Variants in RPS6KA2 observed in about 807,000 individuals in gnomAD.
The protein encoded by RPS6KA2 is ribosomal protein S6 kinase alpha-2.
Under a neutral mutation model 91.8 loss-of-function variants are expected in RPS6KA2, and 42 were observed. The observed-to-expected ratio is 0.46, with a 90% CI of 0.36 to 0.59. RPS6KA2 has a LOEUF of 0.59. RPS6KA2 is among the 20% of genes least tolerant of loss of function. The pLI, the probability that RPS6KA2 is intolerant of heterozygous loss-of-function variation, is 0.00. For synonymous variants in RPS6KA2, 414 were observed against 393.6 expected (o/e 1.05, Z -0.61); for missense variants, 798 against 978.5 (o/e 0.82, Z 2.46).
At chr6:166,817,889 G>A (rs1309662469) in intron 2 of RPS6KA2, among the ~76,000 whole-genome samples, 3 of 151,382 alleles carry the variant, frequency 2.0e-5, no homozygotes, top group Non-Finnish European at 4.4e-5. Flanking sequence ...CACCCAGCTA[G>A]TTTTTTGTAT....
intron 1 of RPS6KA2, among the ~76,000 whole-genome samples, chr6:166,608,968 T>C (rs1209647338): frequency 6.6e-6 from 1 of 152,210 alleles, no homozygotes; most frequent in Admixed American, 6.5e-5. Context: ...TGAAGGGCAC[T>C]TTCCGGAACA....
At chr6:166,420,598 G>A (rs550708143) in intron 17 of RPS6KA2, among the ~76,000 whole-genome samples, 39 of 152,250 alleles carry the variant, frequency 2.6e-4, no homozygotes, top group African/African-American at 8.7e-4. Context: ...ACAATGTTCC[G>A]CTGTGTGTGC....
chr6:166,655,730 G>A (rs1362209686), intron 2 of RPS6KA2, among the ~76,000 whole-genome samples: 1 of 152,168 alleles, frequency 6.6e-6, no homozygotes, highest in Non-Finnish European at 1.5e-5. Context: ...TAAAAGGTTG[G>A]AAACACATGA....
Position 166,451,092 on chromosome 6 carries a change from AAC to A in RPS6KA2, c.1206+9_1206+10del, listed in dbSNP as rs752170488. On this transcript the variant is annotated intron_variant, in intron 13 of 20. Coordinates refer to ENST00000265678, the MANE Select transcript of RPS6KA2 (RefSeq NM_021135.6). ...TCTTACCCCCAACCCACTGCAGGCA[AAC>A]ACAGTTACCTGCACGATTGGGTGAA... 33 of 1,613,724 alleles carry A rather than the reference AAC, an allele frequency of 2.0e-5. No individual in the cohort carries two copies. Among genetic ancestry groups the A allele is most frequent in the Admixed American group, 8.3e-5 (5 of 59,986 alleles).
At chr6:166,531,977 T>TA (rs59192350) in intron 2 of RPS6KA2, among the ~76,000 whole-genome samples, 125 of 146,110 alleles carry the variant, frequency 8.6e-4, no homozygotes, top group Middle Eastern at 3.5e-3. Flanking sequence ...TTCCTTTGTA[T>TA]AAAAAAAAAA....
intron 2 of RPS6KA2, among the ~76,000 whole-genome samples, chr6:166,820,491 T>C (rs1779882369): frequency 6.6e-6 from 1 of 152,202 alleles, no homozygotes; most frequent in Non-Finnish European, 1.5e-5. Flanking sequence ...GTCTTGGGAA[T>C]ATAAAGGCTT....
chr6:166,571,931 T>C (rs747913663), intron 1 of RPS6KA2, among the ~76,000 whole-genome samples: 2 of 152,188 alleles, frequency 1.3e-5, no homozygotes, highest in Non-Finnish European at 2.9e-5. Flanking sequence ...ATGTTGGCAT[T>C]ATTTATAGTG....
chr6:166,609,547 G>A (rs1158532067), intron 1 of RPS6KA2, among the ~76,000 whole-genome samples: 1 of 134,684 alleles, frequency 7.4e-6, no homozygotes, highest in Non-Finnish European at 1.6e-5. Flanking sequence ...TGCTCTTGTT[G>A]CCCAGGCTGG....
chr6:166,436,615 C>G (rs1779318424), intron 14 of RPS6KA2, among the ~76,000 whole-genome samples: 1 of 152,250 alleles, frequency 6.6e-6, no homozygotes, highest in South Asian at 2.1e-4. Context: ...CTGTCTCGCA[C>G]TAGCAGAACT....
chr6:166,616,244 A>G (rs1203522864), intron 1 of RPS6KA2, among the ~76,000 whole-genome samples: 1 of 152,184 alleles, frequency 6.6e-6, no homozygotes, highest in African/African-American at 2.4e-5. Flanking sequence ...AGCCTCAAGA[A>G]GTTCCCATTG....
intron 2 of RPS6KA2, among the ~76,000 whole-genome samples, chr6:166,806,529 C>A (rs1222969616): frequency 3.3e-5 from 5 of 152,142 alleles, no homozygotes; most frequent in Non-Finnish European, 7.4e-5. Flanking sequence ...CTATATTCAG[C>A]AAAACTGTAC....
chr6:166,845,880 T>C (rs12663750), intron 2 of RPS6KA2, among the ~76,000 whole-genome samples: 1 of 151,134 alleles, frequency 6.6e-6, no homozygotes, highest in East Asian at 1.9e-4. Flanking sequence ...CTAAATGAAA[T>C]AGAAACAAAA....
chr6:166,655,475 T>C (rs562058388), intron 2 of RPS6KA2, among the ~76,000 whole-genome samples: 1 of 152,298 alleles, frequency 6.6e-6, no homozygotes, highest in Non-Finnish European at 1.5e-5. Flanking sequence ...ACCACGTGTA[T>C]CTCCAGTGGC....
intron 2 of RPS6KA2, among the ~76,000 whole-genome samples, chr6:166,673,154 G>A (rs1395840588): frequency 4.6e-5 from 7 of 152,276 alleles, no homozygotes; most frequent in South Asian, 2.1e-4. Flanking sequence ...CCTGTGTCAC[G>A]TATGTGCCTG....
Position 166,852,587 on chromosome 6 carries a change from C to G in RPS6KA2, c.123+5613G>C, listed in dbSNP as rs75212592. Among the ~76,000 whole-genome samples, 9,056 of 152,184 alleles carry G rather than the reference C, an allele frequency of 0.06. 392 individuals are homozygous for G. The highest frequency in any genetic ancestry group is 0.12 in the African/African-American group (4,818 of 41,510). On this transcript the variant is annotated intron_variant, in intron 2 of 21. Coordinates refer to the RPS6KA2 transcript ENST00000503859. This position sits in a 1 kb window ranked among gnomAD's most constrained non-coding sequence, Gnocchi z 4.1. ...CACCCGGCCTGGCTCTCTCTTTCAC[C>G]CTTTCTGCCTGTTGCCACGAGTCTC... is the stretch of plus-strand genomic sequence containing the variant.
At chr6:166,613,370 T>C (rs189365674) in intron 1 of RPS6KA2, among the ~76,000 whole-genome samples, 146 of 152,342 alleles carry the variant, frequency 9.6e-4, no homozygotes, top group Non-Finnish European at 1.7e-3. Flanking sequence ...CATGGAGTTT[T>C]TTCAAAACAA....
intron 1 of RPS6KA2, among the ~76,000 whole-genome samples, chr6:166,550,778 A>G (rs576683001): frequency 0.039 from 5,904 of 151,990 alleles, 355 homozygotes; most frequent in African/African-American, 0.13. Flanking sequence ...CAAGGCGGTC[A>G]GATCACAAGG....
chr6:166,432,865 T>G (rs1057359829), intron 14 of RPS6KA2, among the ~76,000 whole-genome samples: 6 of 151,920 alleles, frequency 3.9e-5, no homozygotes, highest in African/African-American at 1.5e-4. Flanking sequence ...CATGGTGGTG[T>G]GTGCCTGTAA....
intron 2 of RPS6KA2, among the ~76,000 whole-genome samples, chr6:166,764,534 T>C (rs1778256913): frequency 6.6e-6 from 1 of 151,126 alleles, no homozygotes; most frequent in African/African-American, 2.4e-5. Context: ...GCAGGGGTGG[T>C]TGCTGGAGGA....
Sources: allele counts gnomAD v4.1 joint callset (sites outside exome capture counted in the v4.1 genomes callset), GRCh38; gene constraint gnomAD v4.1.1; non-coding constraint Gnocchi (gnomAD v3.1); transcripts MANE v1.5; gene names NCBI Gene and HGNC (gene_info 2026-07-23, HGNC 2026-07-21).